The following PARP11 variants were observed in gnomAD, a reference collection of about 807,000 sequenced individuals.
The protein encoded by PARP11 is protein mono-ADP-ribosyltransferase PARP11.
Under a neutral mutation model 42.9 loss-of-function variants are expected in PARP11, and 31 were observed. The observed-to-expected ratio is 0.72, with a 90% CI of 0.54 to 0.98. The LOEUF (loss-of-function observed/expected upper bound fraction) is 0.98, where lower values mean the gene tolerates loss of function less well. Among genes scored for constraint, PARP11 ranks in the 50% least tolerant of loss-of-function variants. The probability of loss-of-function intolerance (pLI) is 0.00; values close to 1 mark genes in which losing one functional copy is unlikely to be tolerated. For synonymous variants in PARP11, 137 were observed against 127.3 expected, an observed-to-expected ratio of 1.08 and a Z score of -0.51; for missense variants, 365 against 413.1, an observed-to-expected ratio of 0.88 and a Z score of 1.01.
At chr12:3,817,873 G>C (rs192182751) in intron 6 of PARP11, among the ~76,000 whole-genome samples, 152 of 152,298 alleles carry the variant, frequency 1.0e-3, no homozygotes, top group African/African-American at 3.4e-3. Context: ...GAACCCAGAG[G>C]TTCTGATTCA....
At chr12:3,852,294 T>G (rs531899362) in intron 1 of PARP11, among the ~76,000 whole-genome samples, 2 of 152,124 alleles carry the variant, frequency 1.3e-5, no homozygotes, top group East Asian at 3.9e-4. Flanking sequence ...CTTTGACGAG[T>G]TGACAGAAGT....
intron 6 of PARP11, among the ~76,000 whole-genome samples, chr12:3,818,516 T>C (rs1947334470): frequency 6.6e-6 from 1 of 152,198 alleles, no homozygotes; most frequent in South Asian, 2.1e-4. Context: ...CATAGGTCCT[T>C]TCCAATTACA....
intron 1 of PARP11, among the ~76,000 whole-genome samples, chr12:3,857,418 A>G (rs1948213524): frequency 6.6e-6 from 1 of 152,228 alleles, no homozygotes. Flanking sequence ...GAACAAGTCT[A>G]TAATGCCAAT....
At position 3,824,577 on chromosome 12, in the gene PARP11, T is replaced by C. The variant is rs985886414; in HGVS notation, c.344+1581A>G. On this transcript the variant is annotated intron_variant, in intron 4 of 7. Transcript: ENST00000228820. ...CTGACCTTCAACACCCTATTGTATC[T>C]TACCTAAACAGTCCTCTCCTTTTAT... 4.3e-6 allele frequency: 4 copies of C among 926,844 alleles called. No individual in the cohort carries two copies. The African/African-American group carries it at 7.1e-5, about 17-fold the overall frequency. The allele number at this position is 926,844 out of a possible 1,614,324, so 57.4% of individuals were successfully genotyped here.
chr12:3,827,031 T>C lies in PARP11; in HGVS notation c.269-798A>G, dbSNP rs549289311. On this transcript the variant is annotated intron_variant, in intron 3 of 7. Coordinates refer to ENST00000228820, the MANE Select transcript of PARP11 (RefSeq NM_020367.6). ...GTGTTCTGTCCTTTCTGTGTTCTCC[T>C]AGACTCTACACATACTGGATTTACC... Among the ~76,000 whole-genome samples, 9 of 152,302 alleles carry C rather than the reference T, an allele frequency of 5.9e-5. No individual in the cohort carries two copies. In the South Asian group the frequency reaches 1.7e-3, roughly 28 times the overall value.
At chr12:3,831,971 AATG>A (rs1315836675) in intron 1 of PARP11, 1 of 179,840 alleles carries the variant, frequency 5.6e-6, no homozygotes, top group Non-Finnish European at 1.1e-5. Context: ...AATTTGGAAG[AATG>A]AGATTGGAGC....
intron 1 of PARP11, chr12:3,871,864 G>A (rs961471417): frequency 1.1e-4 from 16 of 152,180 alleles, no homozygotes; most frequent in Non-Finnish European, 2.1e-4. Flanking sequence ...AGCAGCCTCG[G>A]AAGCAGTCTC....
At chr12:3,830,167 G>C (rs1356198505) in intron 1 of PARP11, 149 bp from the exon 2 acceptor site, 2 of 637,808 alleles carry the variant, frequency 3.1e-6, no homozygotes, top group Non-Finnish European at 5.3e-6. Flanking sequence ...CTTTCATATT[G>C]GCTCTGAAGA....
intron 1 of PARP11, among the ~76,000 whole-genome samples, chr12:3,845,345 T>C (rs1375623065): frequency 1.3e-5 from 2 of 152,218 alleles, no homozygotes; most frequent in Admixed American, 1.3e-4. Flanking sequence ...CAGACCACAA[T>C]GCCGATATAT....
chr12:3,819,464 T>C (rs1349074032), intron 6 of PARP11, among the ~76,000 whole-genome samples: 2 of 152,104 alleles, frequency 1.3e-5, no homozygotes, highest in Admixed American at 6.5e-5. Context: ...CTGGCTTCTA[T>C]CCAGTAGATG....
intron 1 of PARP11, among the ~76,000 whole-genome samples, chr12:3,871,184 G>C (rs1014182295): frequency 6.6e-6 from 1 of 152,104 alleles, no homozygotes; most frequent in African/African-American, 2.4e-5. Context: ...AAATGAGAGG[G>C]GAAGAATACT....
intron 1 of PARP11, among the ~76,000 whole-genome samples, chr12:3,865,067 T>A (rs1347839557): frequency 6.6e-6 from 1 of 152,202 alleles, no homozygotes; most frequent in Non-Finnish European, 1.5e-5. Context: ...AAATTTGATA[T>A]GTTGTTTTCA....
chr12:3,820,395 G>A (rs1402362126), intron 6 of PARP11, among the ~76,000 whole-genome samples: 2 of 152,188 alleles, frequency 1.3e-5, no homozygotes, highest in East Asian at 1.9e-4. Context: ...ATGAGACTCA[G>A]TATTTTGTAC....
intron 1 of PARP11, among the ~76,000 whole-genome samples, chr12:3,833,507 G>A (rs574306914): frequency 1.3e-5 from 2 of 152,320 alleles, no homozygotes; most frequent in South Asian, 2.1e-4. Context: ...GAGAGGCTGA[G>A]ATGGAAGGAT....
intron 1 of PARP11, among the ~76,000 whole-genome samples, 190 bp downstream of exon 1, chr12:3,873,022 G>A (rs1948520816): frequency 6.6e-6 from 1 of 152,224 alleles, no homozygotes. Flanking sequence ...AAGCATTGGA[G>A]AATCCACCCA....
chr12:3,812,128 GA>G lies in PARP11; in HGVS notation c.1011del (p.His338IlefsTer31). On this transcript the variant is annotated frameshift_variant, in exon 8 of 8. Coordinates refer to ENST00000228820, the MANE Select transcript of PARP11 (RefSeq NM_020367.6). LOFTEE classifies it high-confidence loss of function. ...NQIYPEYLID[F>X]H is the part of the protein sequence containing the mutation. ...ACCGAGATTTGGAAGTGAAATCAAT[GA>G]AAGTCTATCAAGTACTCAGGATAGA... is the stretch of plus-strand genomic sequence containing the variant. 6.3e-7 allele frequency: 1 copy of G among 1,586,284 alleles called. No homozygotes were observed. The highest frequency in any genetic ancestry group is 2.3e-5 in the East Asian group (1 of 44,330).
At position 3,841,732 on chromosome 12, in the gene PARP11, G is replaced by A. The variant is rs555089113; in HGVS notation, c.19-11714C>T. On this transcript the variant is annotated intron_variant, in intron 1 of 7. Coordinates refer to ENST00000228820, the MANE Select transcript of PARP11 (RefSeq NM_020367.6). ...TCCATTCTTAGGCCCAGTTCCTATT[G>A]CACCTCCTTTCTTTCCTCATGTTTG... The A allele has an allele frequency of 2.2e-5, 36 of 1,612,986 alleles. No homozygotes were observed. In the African/African-American group the frequency reaches 3.9e-4, roughly 17 times the overall value.
intron 7 of PARP11, among the ~76,000 whole-genome samples, chr12:3,813,814 C>G (rs967096054): frequency 1.3e-5 from 2 of 152,194 alleles, no homozygotes; most frequent in Non-Finnish European, 2.9e-5. Flanking sequence ...TTTTCCCCCA[C>G]TATTCCTTAT....
chr12:3,813,969 T>G, intron 7 of PARP11, 68 bp downstream of exon 7: 1 of 1,208,742 alleles, frequency 8.3e-7, no homozygotes, highest in Non-Finnish European at 1.1e-6. Flanking sequence ...ATATTTATAT[T>G]TATATTCCTC....
Sources: gnomAD v4.1 joint callset for allele counts (sites outside exome capture counted in the v4.1 genomes callset) on GRCh38, gnomAD v4.1.1 for gene constraint, MANE v1.5 for transcripts, NCBI Gene and HGNC (gene_info 2026-07-23, HGNC 2026-07-21) for gene names.